The following TRIM43B variants were observed in gnomAD, a reference collection of about 807,000 sequenced individuals.
TRIM43B encodes the protein tripartite motif containing 43B.
TRIM43B carries 15 observed loss-of-function variants against 27.0 expected under a neutral mutation model. The ratio of observed to expected loss-of-function variants is 0.55; its 90% CI spans 0.37 to 0.85. The LOEUF (loss-of-function observed/expected upper bound fraction) is 0.85, where lower values mean the gene tolerates loss of function less well. Among genes scored for constraint, TRIM43B ranks in the 40% least tolerant of loss-of-function variants. TRIM43B has a pLI of 0.00. For synonymous variants in TRIM43B, 69 were observed against 97.8 expected, an observed-to-expected ratio of 0.71 and a Z score of 1.74; for missense variants, 172 against 289.8, an observed-to-expected ratio of 0.59 and a Z score of 2.95.
exon 4 of TRIM43B, chr2:95,480,506 G>C: frequency 1.2e-6 from 2 of 1,607,746 alleles, no homozygotes; most frequent in South Asian, 2.2e-5. Context: ...ACTCATTCCT[G>C]ATCATCTGTG....
rs966387296 is a variant in TRIM43B at position 95,484,252 on chromosome 2, T to C, written c.-5+354A>G. ...ATGGGCGTGGTGGCAGGCGGCTATA[T>C]TTCCAGCTACTCTGGAGGCGGAGGC... On this transcript the variant is annotated intron_variant, in intron 1 of 6. Transcript: ENST00000639673. Among the ~76,000 whole-genome samples, 3 of 151,158 alleles carry C rather than the reference T, an allele frequency of 2.0e-5. 1 individual carries two copies. The highest frequency in any genetic ancestry group is 7.3e-5 in the African/African-American group (3 of 41,126).
chr2:95,482,231 T>C, intron 2 of TRIM43B, 73 bp downstream of exon 2: 1 of 1,416,312 alleles, frequency 7.1e-7, no homozygotes, highest in Non-Finnish European at 9.4e-7. Flanking sequence ...ATCACCGTGA[T>C]TCTCATCATC....
chr2:95,482,323 T>C lies in TRIM43B; in HGVS notation c.392A>G (p.Glu131Gly), dbSNP rs559151097. 21 of 1,611,640 alleles carry C rather than the reference T, an allele frequency of 1.3e-5. No homozygotes were observed. The East Asian group carries it at 4.2e-4, about 33-fold the overall frequency. ...TCTTACCCGGTCTTCCTCAGCTGCCTCTTCGATGGGATAGTGTTTGTGAGC... is the reference window on the plus strand; with the variant it reads ...TCTTACCCGGTCTTCCTCAGCTGCCCCTTCGATGGGATAGTGTTTGTGAGC... The change falls in exon 2 of 7, where the codon GAG becomes GGG. Residue 131 changes from glutamate to glycine, a missense_variant. Physicochemically the swap from Glu to Gly is moderately conservative, Grantham distance 98 (BLOSUM62 -2). Coordinates refer to ENST00000639673, the Ensembl canonical transcript of TRIM43B.
chr2:95,481,094 T>C (rs1683513208), intron 3 of TRIM43B, among the ~76,000 whole-genome samples: 1 of 151,972 alleles, frequency 6.6e-6, no homozygotes, highest in South Asian at 2.1e-4. Context: ...ATGACATATT[T>C]ATCCTCTCAC....
intron 4 of TRIM43B, among the ~76,000 whole-genome samples, 152 bp downstream of exon 4, chr2:95,480,153 G>A (rs1256569499): frequency 1.3e-5 from 2 of 150,480 alleles, no homozygotes; most frequent in East Asian, 2.0e-4. Context: ...CATGATTAGC[G>A]TAGGAGTTAT....
intron 3 of TRIM43B, among the ~76,000 whole-genome samples, chr2:95,480,790 T>G (rs1380189661): frequency 1.3e-5 from 2 of 152,208 alleles, no homozygotes; most frequent in Non-Finnish European, 2.9e-5. Flanking sequence ...GATTGATTGT[T>G]ACATTGTCAT....
chr2:95,481,255 C>CT (rs757867788), intron 3 of TRIM43B, among the ~76,000 whole-genome samples: 4 of 152,096 alleles, frequency 2.6e-5, no homozygotes, highest in South Asian at 2.1e-4. Context: ...TTTCTTCCCC[C>CT]GGACAATACC....
rs1054804314 is a variant in TRIM43B, at chr2:95,482,679, T to C, written c.36A>G (p.Glu12=). 8 of 1,613,532 alleles carry C rather than the reference T, an allele frequency of 5.0e-6. No homozygotes were observed. The African/African-American group carries it at 1.1e-4, about 22-fold the overall frequency. The stretch of plus-strand genomic sequence containing the variant: ...AGTTCAAACAGATGACACAGGTGAG[T>C]TCCTTCTGGAAGGCATGTGAGAAGT... Residue 12 remains glutamate (E), a synonymous_variant, in exon 2 of 7, where the codon GAA becomes GAG. Coordinates refer to ENST00000639673, the Ensembl canonical transcript of TRIM43B.
chr2:95,480,891 T>C (rs1218152215), intron 3 of TRIM43B, among the ~76,000 whole-genome samples: 1 of 151,974 alleles, frequency 6.6e-6, no homozygotes, highest in African/African-American at 2.4e-5. Context: ...AGTAGAAATG[T>C]TTTTAGTATA....
At chr2:95,480,563 T>C in intron 3 of TRIM43B, 28 bp from the exon 4 acceptor site, 1 of 1,602,902 alleles carries the variant, frequency 6.2e-7, no homozygotes, top group South Asian at 1.1e-5. Flanking sequence ...TTGTAGGTTA[T>C]ATACCCAGGC....
At chr2:95,481,410 T>C (rs1468947940) in intron 3 of TRIM43B, among the ~76,000 whole-genome samples, 185 bp downstream of exon 3, 1 of 152,180 alleles carries the variant, frequency 6.6e-6, no homozygotes, top group African/African-American at 2.4e-5. Context: ...ATTTTTTACT[T>C]ATCTGAAAAG....
At chr2:95,483,213 C>G (rs967770873) in intron 1 of TRIM43B, among the ~76,000 whole-genome samples, 6 of 152,064 alleles carry the variant, frequency 3.9e-5, no homozygotes, top group African/African-American at 1.4e-4. Context: ...GAGCAGAACT[C>G]ATACTTTGAC....
At chr2:95,483,575 T>C (rs1683576683) in intron 1 of TRIM43B, among the ~76,000 whole-genome samples, 1 of 151,308 alleles carries the variant, frequency 6.6e-6, no homozygotes, top group Admixed American at 6.6e-5. Context: ...TCCGAGCACT[T>C]TGGGAGGCCG....
rs571352762 is a variant in TRIM43B, at chr2:95,482,177, T to C, written c.411+127A>G. ...GCACATTTTATTCAAAATGTCATCA[T>C]TGGTACCTAGAACAGCACCTGGCAC... On this transcript the variant is annotated intron_variant, in intron 2 of 6. Coordinates refer to ENST00000639673, the Ensembl canonical transcript of TRIM43B. 7.4e-5 allele frequency: 60 copies of C among 806,498 alleles called. No homozygotes were observed. The African/African-American group carries it at 9.3e-4, about 13-fold the overall frequency. 50.0% of individuals were successfully genotyped at this position (806,498 alleles called of 1,614,324 possible). A position where few individuals can be genotyped will look rare whatever the true frequency, so the allele number is the denominator to read the frequency against.
At chr2:95,483,368 T>G (rs538439734) in intron 1 of TRIM43B, among the ~76,000 whole-genome samples, 68 of 152,304 alleles carry the variant, frequency 4.5e-4, no homozygotes, top group African/African-American at 1.6e-3. Flanking sequence ...GCATGTTTCC[T>G]GTTCCTGGAC....
chr2:95,482,671 C>T (rs1327721229), exon 2 of TRIM43B: 12 of 1,613,704 alleles, frequency 7.4e-6, no homozygotes, highest in Admixed American at 1.7e-5. Context: ...ACAGATGACA[C>T]AGGTGAGTTC....
At chr2:95,482,330 T>G in exon 2 of TRIM43B, 4 of 1,611,494 alleles carry the variant, frequency 2.5e-6, no homozygotes, top group Non-Finnish European at 3.4e-6. Context: ...GCCTCTTCGA[T>G]GGGATAGTGT....
intron 3 of TRIM43B, among the ~76,000 whole-genome samples, chr2:95,480,815 A>G (rs1683509235): frequency 1.3e-5 from 2 of 152,126 alleles, no homozygotes. Context: ...AATACACATA[A>G]TCTTTGTTAT....
intron 1 of TRIM43B, 88 bp from the exon 2 acceptor site, chr2:95,482,806 A>C: frequency 6.5e-7 from 1 of 1,531,232 alleles, no homozygotes; most frequent in Non-Finnish European, 8.7e-7. Context: ...TGATCGAATA[A>C]TATCCTTTCT....
Sources: allele counts gnomAD v4.1 joint callset (sites outside exome capture counted in the v4.1 genomes callset), GRCh38; gene constraint gnomAD v4.1.1; transcripts MANE v1.5; gene names NCBI Gene and HGNC (gene_info 2026-07-23, HGNC 2026-07-21).